Variants in ALDH1A2 observed in about 807,000 individuals in gnomAD.
The protein encoded by ALDH1A2 is retinal dehydrogenase 2.
ALDH1A2 carries 27 observed loss-of-function variants against 60.3 expected under a neutral mutation model. The observed-to-expected ratio is 0.45, with a 90% CI of 0.33 to 0.62. ALDH1A2 has a LOEUF of 0.62. Ranked by LOEUF, ALDH1A2 falls within the 20% of genes least tolerant of loss-of-function variation. The pLI, the probability that ALDH1A2 is intolerant of heterozygous loss-of-function variation, is 0.02. For synonymous variants in ALDH1A2, 289 were observed against 232.4 expected, an observed-to-expected ratio of 1.24 and a Z score of -2.21; for missense variants, 581 against 643.8, an observed-to-expected ratio of 0.90 and a Z score of 1.06.
At chr15:58,005,314 T>C (rs569559315) in intron 4 of ALDH1A2, among the ~76,000 whole-genome samples, 3 of 152,022 alleles carry the variant, frequency 2.0e-5, no homozygotes, top group Non-Finnish European at 1.5e-5. Context: ...CTTCCATATC[T>C]AAATAGATCA....
At chr15:57,993,178 T>A in intron 5 of ALDH1A2, 105 bp from the exon 6 acceptor site, 1 of 1,355,012 alleles carries the variant, frequency 7.4e-7, no homozygotes, top group African/African-American at 1.4e-5. Flanking sequence ...TCGACATAAA[T>A]CTTGTCCACT....
At chr15:57,967,347 C>T (rs534914681) in intron 7 of ALDH1A2, among the ~76,000 whole-genome samples, 1 of 152,266 alleles carries the variant, frequency 6.6e-6, no homozygotes, top group South Asian at 2.1e-4. Flanking sequence ...AGAACCCAGC[C>T]TGGCACACAG....
In ALDH1A2 at chr15:57,978,644, G is replaced by T. The variant is rs552733065; in HGVS notation, c.799-12817C>A. Among the ~76,000 whole-genome samples, 18 of 152,268 alleles carry T rather than the reference G, an allele frequency of 1.2e-4. No homozygotes were observed. In the South Asian group the frequency reaches 3.7e-3, roughly 32 times the overall value. ...TCTCATGGAGCAGGGCCCCTGGGTG[G>T]GGGGTCCCTGTGCAGTACTTGGAGG... On this transcript the variant is annotated intron_variant, in intron 7 of 12. Coordinates refer to ENST00000249750, the MANE Select transcript of ALDH1A2 (RefSeq NM_003888.4).
intron 7 of ALDH1A2, among the ~76,000 whole-genome samples, chr15:57,983,072 C>T (rs539315191): frequency 6.6e-6 from 1 of 152,230 alleles, no homozygotes; most frequent in East Asian, 1.9e-4. Flanking sequence ...TAAGGATAGA[C>T]ACTGAATTCA....
At chr15:57,991,777 G>C (rs1300042840) in intron 7 of ALDH1A2, among the ~76,000 whole-genome samples, 1 of 152,034 alleles carries the variant, frequency 6.6e-6, no homozygotes, top group African/African-American at 2.4e-5. Flanking sequence ...GACAAATGTT[G>C]CTCTCATTCT....
At chr15:58,001,768 T>C (rs138403202) in intron 4 of ALDH1A2, among the ~76,000 whole-genome samples, 3 of 151,966 alleles carry the variant, frequency 2.0e-5, no homozygotes, top group East Asian at 3.9e-4. Context: ...AGATACTCCA[T>C]TGTAGGGTAT....
At chr15:58,053,717 C>T (rs766623591) in intron 1 of ALDH1A2, among the ~76,000 whole-genome samples, 4 of 152,134 alleles carry the variant, frequency 2.6e-5, no homozygotes, top group Non-Finnish European at 4.4e-5. Context: ...GGGCAAACCT[C>T]ATTAGTCTCC....
chr15:58,063,084 G>A (rs1897083813), intron 1 of ALDH1A2, among the ~76,000 whole-genome samples: 1 of 152,134 alleles, frequency 6.6e-6, no homozygotes, highest in African/African-American at 2.4e-5. Flanking sequence ...AAGATCACAA[G>A]TACAAAGTTT....
intron 1 of ALDH1A2, among the ~76,000 whole-genome samples, chr15:58,036,172 C>A (rs1357650457): frequency 6.6e-6 from 1 of 151,418 alleles, no homozygotes; most frequent in Non-Finnish European, 1.5e-5. Flanking sequence ...TGTAGAAATT[C>A]CTTAAAAAAT....
chr15:57,980,694 C>A (rs991312511), intron 7 of ALDH1A2: 11 of 166,204 alleles, frequency 6.6e-5, no homozygotes, highest in Non-Finnish European at 1.4e-4. Flanking sequence ...GGTGGATAAG[C>A]TTTTTGATGT....
At chr15:57,965,066 G>C (rs1407357057) in intron 8 of ALDH1A2, among the ~76,000 whole-genome samples, 1 of 152,018 alleles carries the variant, frequency 6.6e-6, no homozygotes, top group Non-Finnish European at 1.5e-5. Context: ...TACCTGGAGA[G>C]CTTTTCAAAC....
chr15:58,040,446 C>G (rs760408267), intron 1 of ALDH1A2, among the ~76,000 whole-genome samples: 1 of 151,902 alleles, frequency 6.6e-6, no homozygotes, highest in Non-Finnish European at 1.5e-5. Context: ...TCAGATACAA[C>G]GAACGTTATG....
chr15:58,025,017 G>C (rs1479368152), intron 1 of ALDH1A2, among the ~76,000 whole-genome samples: 1 of 151,996 alleles, frequency 6.6e-6, no homozygotes, highest in Non-Finnish European at 1.5e-5. Flanking sequence ...CAAAACTCTT[G>C]GGAATAACAA....
chr15:57,985,248 T>C (rs1198202499), intron 7 of ALDH1A2, among the ~76,000 whole-genome samples: 1 of 152,214 alleles, frequency 6.6e-6, no homozygotes, highest in Non-Finnish European at 1.5e-5. Context: ...TGTGTTCTCC[T>C]GCTTCGAGTT....
chr15:57,963,055 A>C (rs1160911276), intron 9 of ALDH1A2, among the ~76,000 whole-genome samples: 1 of 152,194 alleles, frequency 6.6e-6, no homozygotes, highest in Non-Finnish European at 1.5e-5. Context: ...ATAACCATAC[A>C]GCAAAAGGGA....
intron 1 of ALDH1A2, among the ~76,000 whole-genome samples, chr15:58,052,331 T>C (rs1348136348): frequency 6.6e-6 from 1 of 152,130 alleles, no homozygotes; most frequent in Admixed American, 6.5e-5. Context: ...AGAGTTCTAA[T>C]TAGTCAGGGT....
intron 1 of ALDH1A2, among the ~76,000 whole-genome samples, chr15:58,043,065 G>C (rs1265906662): frequency 1.3e-5 from 2 of 151,884 alleles, no homozygotes; most frequent in African/African-American, 4.8e-5. Flanking sequence ...AGTTGCTTGT[G>C]TTTTAGTCCT....
At chr15:57,996,502 T>C (rs950380186) in intron 4 of ALDH1A2, among the ~76,000 whole-genome samples, 1 of 150,074 alleles carries the variant, frequency 6.7e-6, no homozygotes, top group Non-Finnish European at 1.5e-5. Context: ...TGTTTTTCCC[T>C]CTTTTTTTTT....
chr15:57,983,990 G>A (rs1894610652), intron 7 of ALDH1A2, among the ~76,000 whole-genome samples: 1 of 152,206 alleles, frequency 6.6e-6, no homozygotes, highest in Non-Finnish European at 1.5e-5. Context: ...GAGTTACAAT[G>A]TGTCTATGAC....
Sources: allele counts gnomAD v4.1 joint callset (sites outside exome capture counted in the v4.1 genomes callset), GRCh38; gene constraint gnomAD v4.1.1; transcripts MANE v1.5; gene names NCBI Gene and HGNC (gene_info 2026-07-23, HGNC 2026-07-21).